The following MAN1A1 variants were observed in gnomAD, a reference collection of about 807,000 sequenced individuals.
MAN1A1 encodes the protein mannosidase alpha class 1A member 1, also known as mannosyl-oligosaccharide 1,2-alpha-mannosidase IA.
Under a neutral mutation model 70.8 loss-of-function variants are expected in MAN1A1, and 29 were observed. That is an observed-to-expected ratio of 0.41 (90% confidence interval 0.31 to 0.56). The LOEUF (loss-of-function observed/expected upper bound fraction) is 0.56. Ranked by LOEUF, MAN1A1 falls within the 20% of genes least tolerant of loss-of-function variation. The pLI is 0.29. For synonymous variants in MAN1A1, 349 were observed against 330.1 expected (o/e 1.06, Z -0.62); for missense variants, 747 against 841.3 (o/e 0.89, Z 1.39).
rs1215239249 is a variant in MAN1A1 at position 119,335,614 on chromosome 6, GACAC to G, written c.603+12845_603+12848del. Reference sequence around the variant, plus strand: ...TAACATATATGCACACAAAATCAGTGACACACAGGCCAAAGATAGAAATAATCAA... The same window carrying G: ...TAACATATATGCACACAAAATCAGTGACAGGCCAAAGATAGAAATAATCAA... On this transcript the variant is annotated intron_variant, in intron 2 of 12. Coordinates refer to ENST00000368468, the MANE Select transcript of MAN1A1 (RefSeq NM_005907.4). 3.3e-5 allele frequency among the ~76,000 whole-genome samples: 5 copies of G among 152,318 alleles called. No individual in the cohort carries two copies. In the East Asian group the frequency reaches 9.6e-4, roughly 29 times the overall value.
intron 5 of MAN1A1, 28 bp downstream of exon 5, chr6:119,290,655 C>T (rs1486971179): frequency 2.0e-6 from 3 of 1,517,894 alleles, no homozygotes; most frequent in African/African-American, 1.4e-5. Context: ...CTTTATAATT[C>T]ACATTTATAT....
chr6:119,342,913 C>T (rs1773634080), intron 2 of MAN1A1, among the ~76,000 whole-genome samples: 1 of 152,144 alleles, frequency 6.6e-6, no homozygotes, highest in Non-Finnish European at 1.5e-5. Context: ...CTCTTCTTCT[C>T]TCCCTTCCTT....
chr6:119,344,153 C>T (rs1343349016), intron 2 of MAN1A1, among the ~76,000 whole-genome samples: 1 of 152,142 alleles, frequency 6.6e-6, no homozygotes, highest in Non-Finnish European at 1.5e-5. Flanking sequence ...CAGATAGATG[C>T]ATTTGTTTGA....
intron 8 of MAN1A1, among the ~76,000 whole-genome samples, chr6:119,197,935 G>A (rs1167295955): frequency 1.3e-5 from 2 of 152,162 alleles, no homozygotes; most frequent in South Asian, 2.1e-4. Flanking sequence ...AGTACAACTG[G>A]CTCCTTCTGT....
chr6:119,264,628 C>A (rs1431486917), intron 5 of MAN1A1, among the ~76,000 whole-genome samples: 1 of 152,106 alleles, frequency 6.6e-6, no homozygotes, highest in Non-Finnish European at 1.5e-5. Context: ...AGTCATGTCT[C>A]TAAGTCATTT....
chr6:119,316,276 C>T (rs1272763797), intron 2 of MAN1A1, among the ~76,000 whole-genome samples: 1 of 145,790 alleles, frequency 6.9e-6, no homozygotes, highest in African/African-American at 2.6e-5. Flanking sequence ...CTCCCGCGTT[C>T]AAGCGATTGT....
intron 6 of MAN1A1, among the ~76,000 whole-genome samples, chr6:119,212,107 T>C (rs2114958283): frequency 6.6e-6 from 1 of 151,892 alleles, no homozygotes; most frequent in East Asian, 1.9e-4. Flanking sequence ...CCCAAAGTGC[T>C]GGGATTACAG....
At chr6:119,251,203 C>T (rs931497840) in intron 5 of MAN1A1, among the ~76,000 whole-genome samples, 5 of 152,172 alleles carry the variant, frequency 3.3e-5, no homozygotes, top group African/African-American at 9.7e-5. Flanking sequence ...TCTGTATTTA[C>T]GTTACCAACT....
intron 4 of MAN1A1, among the ~76,000 whole-genome samples, chr6:119,301,046 C>A (rs535709876): frequency 6.6e-6 from 1 of 152,340 alleles, no homozygotes; most frequent in Non-Finnish European, 1.5e-5. Flanking sequence ...GAGGCAACAG[C>A]AGGGAAATTC....
chr6:119,283,702 T>G (rs1243166167), intron 5 of MAN1A1, among the ~76,000 whole-genome samples: 1 of 151,958 alleles, frequency 6.6e-6, no homozygotes, highest in African/African-American at 2.4e-5. Context: ...GCTTGGTGCG[T>G]TTTTTGGAAG....
intron 6 of MAN1A1, among the ~76,000 whole-genome samples, chr6:119,210,549 C>T (rs879291467): frequency 3.9e-5 from 6 of 152,144 alleles, no homozygotes; most frequent in Non-Finnish European, 5.9e-5. Context: ...TAAACAGATA[C>T]ATTATTTAAA....
chr6:119,260,976 G>GCTTTTTTTT (rs1554209499), intron 5 of MAN1A1, among the ~76,000 whole-genome samples: 3,826 of 116,606 alleles, frequency 0.033, 453 homozygotes, highest in East Asian at 0.044. Flanking sequence ...TTTTTTTATT[G>GCTTTTTTTT]TTTTTTTTTT....
intron 5 of MAN1A1, among the ~76,000 whole-genome samples, chr6:119,285,496 G>A (rs1776344582): frequency 6.6e-6 from 1 of 151,952 alleles, no homozygotes; most frequent in African/African-American, 2.4e-5. Flanking sequence ...TAATTTCACT[G>A]TATCACTATT....
upstream of MAN1A1, among the ~76,000 whole-genome samples, chr6:119,349,947 G>A (rs1324431431): frequency 2.0e-5 from 3 of 152,078 alleles, no homozygotes; most frequent in Non-Finnish European, 4.4e-5. Flanking sequence ...GCCGGCGGCG[G>A]GGAGGTCGCG....
chr6:119,219,328 G>T (rs11969810), intron 6 of MAN1A1, among the ~76,000 whole-genome samples: 1,905 of 152,012 alleles, frequency 0.013, 40 homozygotes, highest in African/African-American at 0.04. Context: ...TTAGGGAATG[G>T]GTCAGATAAT....
chr6:119,227,729 G>A (rs75906613), intron 6 of MAN1A1, among the ~76,000 whole-genome samples: 7,175 of 152,222 alleles, frequency 0.047, 208 homozygotes, highest in Middle Eastern at 0.078. Flanking sequence ...TTGGCCTCCT[G>A]AAGTGCTGTG....
intron 4 of MAN1A1, among the ~76,000 whole-genome samples, chr6:119,291,731 C>T (rs1044175102): frequency 2.6e-5 from 4 of 151,904 alleles, no homozygotes; most frequent in Admixed American, 1.3e-4. Context: ...TTGCCTTTGG[C>T]TTGGGATTGT....
chr6:119,300,855 C>T (rs1772372361), intron 4 of MAN1A1, among the ~76,000 whole-genome samples: 1 of 152,114 alleles, frequency 6.6e-6, no homozygotes, highest in Admixed American at 6.5e-5. Flanking sequence ...TTTTAGGTCT[C>T]CCAAATGCGG....
rs1367384038 is a variant in MAN1A1 at position 119,349,632 on chromosome 6, G to C, written c.-313C>G. On this transcript the variant is annotated 5_prime_UTR_variant, in exon 1 of 13. Coordinates refer to ENST00000368468, the MANE Select transcript of MAN1A1 (RefSeq NM_005907.4). ...GCTGAGACTGCTGCCTCTTTCCTAG[G>C]CTGGGCTGAGCGCGCTGTCCCACGG... 1.0e-6 allele frequency: 1 copy of C among 985,832 alleles called. No homozygotes were observed. The highest frequency in any genetic ancestry group is 6.1e-5 in the Admixed American group (1 of 16,274). 61.1% of individuals were successfully genotyped at this position (985,832 alleles called of 1,614,324 possible).
Sources: allele counts gnomAD v4.1 joint callset (sites outside exome capture counted in the v4.1 genomes callset), GRCh38; gene constraint gnomAD v4.1.1; transcripts MANE v1.5; gene names NCBI Gene and HGNC (gene_info 2026-07-23, HGNC 2026-07-21).